Variants in SLC25A13 observed in about 807,000 individuals in gnomAD.
SLC25A13 encodes the protein electrogenic aspartate/glutamate antiporter SLC25A13, mitochondrial.
A neutral mutation model predicts 85.5 loss-of-function variants in SLC25A13; 70 were observed. The observed-to-expected ratio is 0.82, with a 90% CI of 0.68 to 1.00. SLC25A13 has a LOEUF of 1.00. Ranked by LOEUF, SLC25A13 falls within the 50% of genes least tolerant of loss-of-function variation. The pLI is 0.00. For missense variants in SLC25A13, 765 were observed against 819.8 expected (o/e 0.93, Z 0.82); for synonymous variants, 259 against 288.7 (o/e 0.90, Z 1.04).
At chr7:96,203,702 A>C (rs932972112) in intron 5 of SLC25A13, among the ~76,000 whole-genome samples, 14 of 151,790 alleles carry the variant, frequency 9.2e-5, no homozygotes, top group African/African-American at 2.9e-4. Flanking sequence ...CTATGTGTAG[A>C]CTGTTTTCAA....
intron 5 of SLC25A13, among the ~76,000 whole-genome samples, chr7:96,205,118 C>T (rs1160253675): frequency 1.3e-5 from 2 of 152,056 alleles, no homozygotes; most frequent in Admixed American, 6.5e-5. Context: ...CCATGTTGGC[C>T]AGGATGGTCT....
At chr7:96,206,346 T>A (rs1795462954) in intron 5 of SLC25A13, among the ~76,000 whole-genome samples, 1 of 152,144 alleles carries the variant, frequency 6.6e-6, no homozygotes, top group Non-Finnish European at 1.5e-5. Context: ...CAGATTAAAT[T>A]CACTAATATC....
intron 8 of SLC25A13, 83 bp from the exon 9 acceptor site, chr7:96,189,461 T>C (rs1260504620): frequency 1.3e-6 from 2 of 1,547,232 alleles, no homozygotes; most frequent in Non-Finnish European, 1.8e-6. Context: ...ATCCCTTTTT[T>C]CATTTCTCAT....
intron 2 of SLC25A13, among the ~76,000 whole-genome samples, chr7:96,284,302 TTTTG>T (rs1439505125): frequency 6.6e-6 from 1 of 152,146 alleles, no homozygotes; most frequent in Non-Finnish European, 1.5e-5. Context: ...CACAAGTTAC[TTTTG>T]TTTATGTATC....
At chr7:96,211,841 T>C (rs2116728272) in intron 4 of SLC25A13, among the ~76,000 whole-genome samples, 1 of 152,162 alleles carries the variant, frequency 6.6e-6, no homozygotes, top group East Asian at 1.9e-4. Context: ...TTTATCAAAA[T>C]CCCCAGGCCC....
chr7:96,171,512 T>C lies in SLC25A13; in HGVS notation c.1190A>G (p.Gln397Arg), dbSNP rs1178150756. 1.2e-6 allele frequency: 2 copies of C among 1,613,048 alleles called. No homozygotes were observed. The change falls in exon 12 of 18, where the codon CAG (glutamine) becomes CGG (arginine). Residue 397 changes from glutamine to arginine, a missense_variant. Physicochemically the swap from Gln to Arg is conservative, Grantham distance 43 (BLOSUM62 1). Transcript: ENST00000265631. ...CTTCTCTGGGGCAACTCCCAATAAC[T>C]GTGGCAACAGACCTAAAAATCAACA... ...FFGLYRGLLPQLLGVAPEKAI... is the reference protein window; with the variant it reads ...FFGLYRGLLPRLLGVAPEKAI...
In SLC25A13 at chr7:96,294,517, G is replaced by A. The variant is rs536960469; in HGVS notation, c.69+2381C>T. 7.9e-5 allele frequency among the ~76,000 whole-genome samples: 12 copies of A among 151,564 alleles called. No individual in the cohort carries two copies. In the South Asian group the frequency reaches 2.3e-3, roughly 29 times the overall value. ...CCAGCTACTCGGGAGGCTGAGGCAT[G>A]AGAATCACATGAACCCGGGAGACAG... is the stretch of plus-strand genomic sequence containing the variant. On this transcript the variant is annotated intron_variant, in intron 2 of 17. Coordinates refer to ENST00000265631, the MANE Select transcript of SLC25A13 (RefSeq NM_014251.3).
chr7:96,170,644 A>T, intron 12 of SLC25A13, among the ~76,000 whole-genome samples: 1 of 152,310 alleles, frequency 6.6e-6, no homozygotes, highest in Non-Finnish European at 1.5e-5. Context: ...AATTAATATA[A>T]TATTCTCAAA....
intron 13 of SLC25A13, among the ~76,000 whole-genome samples, chr7:96,148,719 A>G (rs1792904083): frequency 6.6e-6 from 1 of 152,244 alleles, no homozygotes; most frequent in South Asian, 2.1e-4. Context: ...TATCCAGGGT[A>G]AAATGCAAAG....
chr7:96,188,037 T>C (rs1027103395), intron 9 of SLC25A13, among the ~76,000 whole-genome samples: 1 of 152,092 alleles, frequency 6.6e-6, no homozygotes, highest in Non-Finnish European at 1.5e-5. Flanking sequence ...AAGGAAAAAT[T>C]GTGGGAAGCC....
At chr7:96,306,727 T>G in intron 1 of SLC25A13, 1 of 1,019,068 alleles carries the variant, frequency 9.8e-7, no homozygotes, top group South Asian at 1.4e-5. Flanking sequence ...ACTTCCATCT[T>G]CTCTTTTGTG....
intron 11 of SLC25A13, among the ~76,000 whole-genome samples, chr7:96,172,893 G>A (rs1479104284): frequency 6.6e-6 from 1 of 152,078 alleles, no homozygotes; most frequent in Non-Finnish European, 1.5e-5. Context: ...CGAGTAGCTG[G>A]GACTATAGGC....
At chr7:96,229,317 C>T (rs1487910263) in intron 4 of SLC25A13, among the ~76,000 whole-genome samples, 2 of 152,190 alleles carry the variant, frequency 1.3e-5, no homozygotes, top group East Asian at 1.9e-4. Flanking sequence ...CCAATCAGCA[C>T]TCTGTGTCTA....
intron 14 of SLC25A13, among the ~76,000 whole-genome samples, chr7:96,134,812 T>TATATATATATATATATATATATAA (rs1554337568): frequency 1.4e-5 from 2 of 146,220 alleles, no homozygotes; most frequent in African/African-American, 5.1e-5. Context: ...TATATATATA[T>TATATATATATATATATATATATAA]AACCCTGAGG....
At chr7:96,191,462 C>T (rs1462351246) in intron 6 of SLC25A13, among the ~76,000 whole-genome samples, 2 of 152,004 alleles carry the variant, frequency 1.3e-5, no homozygotes, top group East Asian at 1.9e-4. Context: ...ACTCTCCATA[C>T]ACAACTCCTA....
chr7:96,289,091 C>T (rs1285157045), intron 2 of SLC25A13, among the ~76,000 whole-genome samples: 1 of 152,206 alleles, frequency 6.6e-6, no homozygotes, highest in Non-Finnish European at 1.5e-5. Flanking sequence ...GCAACATTTG[C>T]TGTTCAGCAA....
intron 5 of SLC25A13, among the ~76,000 whole-genome samples, chr7:96,204,374 TA>T (rs1795378978): frequency 6.6e-6 from 1 of 151,974 alleles, no homozygotes; most frequent in East Asian, 1.9e-4. Flanking sequence ...AGTCACCCAA[TA>T]AAAAAATTGG....
At chr7:96,302,525 A>C (rs1373339227) in intron 1 of SLC25A13, among the ~76,000 whole-genome samples, 1 of 152,198 alleles carries the variant, frequency 6.6e-6, no homozygotes, top group Non-Finnish European at 1.5e-5. Flanking sequence ...TGCTAATTTG[A>C]AAAATAAAAT....
At chr7:96,273,107 G>T (rs1479046425) in intron 3 of SLC25A13, among the ~76,000 whole-genome samples, 1 of 152,170 alleles carries the variant, frequency 6.6e-6, no homozygotes, top group Admixed American at 6.5e-5. Context: ...ACAATGGGTA[G>T]TATAGAATAG....
Sources: allele counts gnomAD v4.1 joint callset (sites outside exome capture counted in the v4.1 genomes callset), GRCh38; gene constraint gnomAD v4.1.1; transcripts MANE v1.5; gene names NCBI Gene and HGNC (gene_info 2026-07-23, HGNC 2026-07-21).